MAP3K19: variants seen among roughly 807,000 people sequenced by gnomAD.
The protein encoded by MAP3K19 is mitogen-activated protein kinase kinase kinase 19, also known as SPS1/STE20-related protein kinase YSK4.
In MAP3K19, 91 loss-of-function variants were observed where a neutral mutation model predicts 114.4. The observed-to-expected ratio is 0.80, with a 90% CI of 0.67 to 0.95. MAP3K19 has a LOEUF of 0.95. Ranked by LOEUF, MAP3K19 falls within the 40% of genes least tolerant of loss-of-function variation. The pLI is 0.00. For missense variants in MAP3K19, 1,471 were observed against 1,573.2 expected (o/e 0.94, Z 1.10); for synonymous variants, 518 against 530.5 (o/e 0.98, Z 0.32).
At chr2:135,011,440 G>A (rs925368011) in intron 5 of MAP3K19, among the ~76,000 whole-genome samples, 4 of 151,590 alleles carry the variant, frequency 2.6e-5, no homozygotes, top group Admixed American at 2.0e-4. Flanking sequence ...GGGAAGCTGA[G>A]GCAGGAGAAT....
chr2:135,024,730 A>T lies in MAP3K19; in HGVS notation c.-83T>A. ...TGCTGATTTTCCACTAAAATCACAA[A>T]GTTTAGGATCTCTAGGAAGAACAGA... On this transcript the variant is annotated 5_prime_UTR_variant, in exon 4 of 13. Coordinates refer to ENST00000392915, the MANE Select transcript of MAP3K19 (RefSeq NM_025052.5). 1.6e-6 allele frequency: 2 copies of T among 1,216,442 alleles called. No individual in the cohort carries two copies. Among genetic ancestry groups the T allele is most frequent in the African/African-American group, 3.0e-5 (2 of 66,570 alleles). The allele number at this position is 1,216,442 out of a possible 1,614,324, so 75.4% of individuals were successfully genotyped here.
chr2:135,014,112 G>A (rs999090646), intron 5 of MAP3K19, among the ~76,000 whole-genome samples: 3 of 152,110 alleles, frequency 2.0e-5, no homozygotes, highest in South Asian at 2.1e-4. Context: ...CAGCACTTTG[G>A]GAATCTGAGG....
intron 3 of MAP3K19, among the ~76,000 whole-genome samples, chr2:135,028,891 T>C (rs1688315448): frequency 6.6e-6 from 1 of 152,144 alleles, no homozygotes; most frequent in South Asian, 2.1e-4. Context: ...TTTTAGTCGC[T>C]AAGAAGAAAC....
intron 5 of MAP3K19, among the ~76,000 whole-genome samples, chr2:135,011,094 T>G (rs1187407764): frequency 6.6e-6 from 1 of 152,148 alleles, no homozygotes; most frequent in Non-Finnish European, 1.5e-5. Flanking sequence ...AGCTTTCATT[T>G]AAAGAAAAGA....
chr2:135,028,610 A>G (rs1261103868), intron 3 of MAP3K19, among the ~76,000 whole-genome samples: 35 of 152,166 alleles, frequency 2.3e-4, no homozygotes, highest in Admixed American at 2.3e-3. Flanking sequence ...GTATTTACAT[A>G]GTCAAATGGA....
At chr2:135,019,090 A>G (rs965356197) in intron 5 of MAP3K19, among the ~76,000 whole-genome samples, 1 of 149,286 alleles carries the variant, frequency 6.7e-6, no homozygotes, top group Non-Finnish European at 1.5e-5. Context: ...AAAAAAAAAG[A>G]AAAAAAAAAG....
rs757787411 is a variant in MAP3K19, at chr2:135,025,066, GT to G, written c.-94-326del. Among the ~76,000 whole-genome samples the G allele has an allele frequency of 1.0e-4, 15 of 150,602 alleles. 1 individual carries two copies. The South Asian group carries it at 1.9e-3, about 19-fold the overall frequency. On this transcript the variant is annotated intron_variant, in intron 3 of 12. Transcript: ENST00000392915. The stretch of plus-strand genomic sequence containing the variant: ...AGTAAAGATAAAAACATCTTTTGTT[GT>G]TTTTTTTTATATTTTTAAATTTTTT...
intron 3 of MAP3K19, among the ~76,000 whole-genome samples, chr2:135,029,331 G>A (rs1177921442): frequency 2.0e-5 from 3 of 151,640 alleles, no homozygotes; most frequent in African/African-American, 7.3e-5. Context: ...AGCCGAGATC[G>A]CGCCACTGCA....
chr2:134,997,036 C>T lies in MAP3K19; in HGVS notation c.574+1702G>A, dbSNP rs569027915. 2.0e-5 allele frequency among the ~76,000 whole-genome samples: 3 copies of T among 151,942 alleles called. No individual in the cohort carries two copies. In the South Asian group the frequency reaches 6.2e-4, roughly 32 times the overall value. On this transcript the variant is annotated intron_variant, in intron 8 of 12. Coordinates refer to ENST00000392915, the MANE Select transcript of MAP3K19 (RefSeq NM_025052.5). ...TGCACTCCAGCCTGGGCAACACAGC[C>T]GGAATGTGTCTCAAACAAACCAACA...
intron 5 of MAP3K19, among the ~76,000 whole-genome samples, chr2:135,011,666 G>GTTGTTTGTTTGT (rs58467283): frequency 2.9e-4 from 44 of 150,104 alleles, no homozygotes; most frequent in African/African-American, 9.1e-4. Flanking sequence ...AGAGTTTGAT[G>GTTGTTTGTTTGT]TTGTTTGTTT....
intron 9 of MAP3K19, 140 bp downstream of exon 9, chr2:134,991,397 G>T (rs919310976): frequency 1.8e-5 from 13 of 720,218 alleles, no homozygotes; most frequent in African/African-American, 5.3e-5. Context: ...GTGGATTTTT[G>T]ACTGTGTTGG....
intron 12 of MAP3K19, among the ~76,000 whole-genome samples, chr2:134,978,437 G>T (rs140500786): frequency 1.3e-5 from 2 of 152,140 alleles, no homozygotes; most frequent in Admixed American, 6.5e-5. Flanking sequence ...CTGGGCTTAA[G>T]TGATCCCCCC....
Position 134,988,162 on chromosome 2 carries a change from T to C in MAP3K19, c.710A>G (p.Asn237Ser). The C allele has an allele frequency of 6.2e-7, 1 of 1,612,902 alleles. No homozygotes were observed. Among genetic ancestry groups the C allele is most frequent in the Non-Finnish European group, 8.5e-7 (1 of 1,179,698 alleles). The change falls in exon 10 of 13, where the codon AAC becomes AGC. Residue 237 changes from asparagine (N) to serine (S), a missense_variant. Physicochemically the swap from Asn to Ser is conservative, Grantham distance 46. Coordinates refer to ENST00000392915, the MANE Select transcript of MAP3K19 (RefSeq NM_025052.5). ...CACAAAAGATGTGAGACTTGGAATG[T>C]TTCTTTCTTTTTCTTTTGGAAACTT... ...NHKFPKEKER[N>S]IPSLTSFVPK...
intron 12 of MAP3K19, among the ~76,000 whole-genome samples, chr2:134,970,609 T>A (rs1683802130): frequency 1.3e-5 from 2 of 150,072 alleles, no homozygotes; most frequent in Admixed American, 6.6e-5. Flanking sequence ...TTTTTTTTTT[T>A]TTTTTTTAGA....
intron 12 of MAP3K19, chr2:134,980,617 G>A (rs1397455969): frequency 3.6e-6 from 2 of 558,174 alleles, no homozygotes; most frequent in African/African-American, 3.7e-5. Context: ...CTTTCTACTT[G>A]AAGCATTGCC....
At position 134,980,921 on chromosome 2, in the gene MAP3K19, C is replaced by T; in HGVS notation, c.3820G>A (p.Ala1274Thr). 6.2e-7 allele frequency: 1 copy of T among 1,614,234 alleles called. No homozygotes were observed. The highest frequency in any genetic ancestry group is 1.1e-5 in the South Asian group (1 of 91,088). Residue 1274 changes from alanine (A) to threonine (T), a missense_variant, in exon 12 of 13, where the codon GCC becomes ACC. By Grantham distance (58) the Ala-to-Thr change is moderately conservative (BLOSUM62 0). Transcript: ENST00000392915. ...TGTGCTCCGATGTAAAACATGGCGG[C>T]CATCCTGTCCATGGAAGCCAGTGGA... is the stretch of plus-strand genomic sequence containing the variant. ...KPPLASMDRM[A>T]AMFYIGAHRG... is the part of the protein sequence containing the mutation.
At chr2:135,019,768 A>G (rs970475845) in intron 5 of MAP3K19, among the ~76,000 whole-genome samples, 1 of 152,196 alleles carries the variant, frequency 6.6e-6, no homozygotes, top group Non-Finnish European at 1.5e-5. Context: ...AAATGAGTAA[A>G]CAGTGCAAAT....
In MAP3K19 at chr2:134,964,588, C is replaced by G. The variant is rs749800559; in HGVS notation, c.*262G>C. On this transcript the variant is annotated 3_prime_UTR_variant, in exon 13 of 13. Transcript: ENST00000392915. ...ATATAAAACAATAGAGAATGTAGTT[C>G]CTGGACAATCAAAACTGTAAACACT... 9 of 276,668 alleles carry G rather than the reference C, an allele frequency of 3.3e-5. No individual in the cohort carries two copies. Among genetic ancestry groups the G allele is most frequent in the Non-Finnish European group, 5.4e-5 (8 of 147,142 alleles). The allele number at this position is 276,668 out of a possible 1,614,324, so 17.1% of individuals were successfully genotyped here. A position where few individuals can be genotyped will look rare whatever the true frequency, so the allele number is the denominator to read the frequency against.
At chr2:134,995,271 G>A (rs1559162101) in intron 8 of MAP3K19, among the ~76,000 whole-genome samples, 4 of 150,014 alleles carry the variant, frequency 2.7e-5, no homozygotes, top group Middle Eastern at 3.4e-3. Flanking sequence ...AGCTGAGATC[G>A]CGCCATTGCA....
Sources: allele counts gnomAD v4.1 joint callset (sites outside exome capture counted in the v4.1 genomes callset), GRCh38; gene constraint gnomAD v4.1.1; transcripts MANE v1.5; gene names NCBI Gene and HGNC (gene_info 2026-07-23, HGNC 2026-07-21).